The following AUTS2 variants were observed in gnomAD, a reference collection of about 807,000 sequenced individuals.
AUTS2 encodes the protein autism susceptibility gene 2 protein.
A neutral mutation model predicts 112.4 loss-of-function variants in AUTS2; 17 were observed. The ratio of observed to expected loss-of-function variants is 0.15; its 90% confidence interval spans 0.10 to 0.23. AUTS2 has a LOEUF of 0.23. Ranked by LOEUF, AUTS2 falls within the 10% of genes least tolerant of loss-of-function variation. The pLI is 1.00. For missense variants in AUTS2, 1,510 were observed against 1,701.6 expected, an observed-to-expected ratio of 0.89 and a Z score of 1.98; for synonymous variants, 751 against 702.7, an observed-to-expected ratio of 1.07 and a Z score of -1.09.
chr7:70,006,838 A>C (rs540363325), intron 2 of AUTS2, among the ~76,000 whole-genome samples: 1 of 152,264 alleles, frequency 6.6e-6, no homozygotes, highest in South Asian at 2.1e-4. Context: ...ATCTCTGTGG[A>C]TGCTTCGATT....
At chr7:69,852,180 A>G (rs1792514421) in intron 1 of AUTS2, among the ~76,000 whole-genome samples, 1 of 152,090 alleles carries the variant, frequency 6.6e-6, no homozygotes, top group Non-Finnish European at 1.5e-5. Flanking sequence ...ATATGTATTG[A>G]ATGCTTTTTT....
intron 1 of AUTS2, among the ~76,000 whole-genome samples, chr7:69,806,681 G>A (rs1304004899): frequency 6.6e-6 from 1 of 152,170 alleles, no homozygotes; most frequent in African/African-American, 2.4e-5. Context: ...GCTAGTTCAT[G>A]AAATTGAGGC....
At chr7:70,389,518 G>A (rs992135552) in intron 4 of AUTS2, among the ~76,000 whole-genome samples, 4 of 152,158 alleles carry the variant, frequency 2.6e-5, no homozygotes, top group African/African-American at 9.7e-5. Context: ...TGACTCTAAT[G>A]AGCTCCAAAC....
chr7:70,000,406 T>C (rs78478080), intron 2 of AUTS2, among the ~76,000 whole-genome samples: 4 of 152,322 alleles, frequency 2.6e-5, no homozygotes, highest in African/African-American at 9.6e-5. Flanking sequence ...AGCTAAGCCA[T>C]TACTGATAAA....
intron 5 of AUTS2, among the ~76,000 whole-genome samples, chr7:70,629,427 G>A (rs866648336): frequency 1.3e-4 from 19 of 151,956 alleles, no homozygotes; most frequent in Non-Finnish European, 1.8e-4. Flanking sequence ...AGCTGAGATC[G>A]TGCCACTGCA....
intron 1 of AUTS2, among the ~76,000 whole-genome samples, chr7:69,679,290 G>A (rs1180523873): frequency 6.6e-6 from 1 of 152,210 alleles, no homozygotes; most frequent in Non-Finnish European, 1.5e-5. Context: ...AGTATTGGTA[G>A]TGGTTAATAT....
intron 5 of AUTS2, among the ~76,000 whole-genome samples, chr7:70,465,250 T>C (rs1797127233): frequency 6.6e-6 from 1 of 152,160 alleles, no homozygotes; most frequent in Non-Finnish European, 1.5e-5. Context: ...CTGTGACATT[T>C]ATAGTGACAT....
At chr7:70,033,680 G>C (rs1288310443) in intron 2 of AUTS2, among the ~76,000 whole-genome samples, 2 of 152,146 alleles carry the variant, frequency 1.3e-5, no homozygotes, top group African/African-American at 4.8e-5. Flanking sequence ...AGAATCTTCT[G>C]CATTATATCA....
intron 1 of AUTS2, among the ~76,000 whole-genome samples, chr7:69,645,718 C>A (rs1248758578): frequency 6.6e-6 from 1 of 151,962 alleles, no homozygotes; most frequent in African/African-American, 2.4e-5. Flanking sequence ...AAGGTGGTTT[C>A]TGTGGGGTTA....
intron 1 of AUTS2, among the ~76,000 whole-genome samples, chr7:69,791,446 C>G (rs1173258635): frequency 6.6e-6 from 1 of 152,208 alleles, no homozygotes; most frequent in African/African-American, 2.4e-5. Context: ...CAAATCATCT[C>G]CCTGTATTTA....
Position 70,073,284 on chromosome 7 carries a change from G to A in AUTS2, c.523-44848G>A, listed in dbSNP as rs1047473833. Among the ~76,000 whole-genome samples, 3 of 151,782 alleles carry A rather than the reference G, an allele frequency of 2.0e-5. No homozygotes were observed. The East Asian group carries it at 5.8e-4, about 29-fold the overall frequency. ...CCAGCACTTTGGGAAGCCGAGGTGG[G>A]CAGATCACCTGAGGTCAGGAGTTCG... On this transcript the variant is annotated intron_variant, in intron 2 of 18. Coordinates refer to ENST00000342771, the MANE Select transcript of AUTS2 (RefSeq NM_015570.4).
At chr7:69,795,422 A>G (rs747979147) in intron 1 of AUTS2, among the ~76,000 whole-genome samples, 2 of 152,154 alleles carry the variant, frequency 1.3e-5, no homozygotes, top group Non-Finnish European at 2.9e-5. Context: ...GCTCATACCT[A>G]TAATCCAAAC....
At chr7:69,908,983 A>T (rs1310143002) in intron 2 of AUTS2, among the ~76,000 whole-genome samples, 2 of 152,178 alleles carry the variant, frequency 1.3e-5, no homozygotes, top group Admixed American at 1.3e-4. Context: ...GTGTGGCAAC[A>T]AGGAACTGGA....
chr7:70,515,883 T>G (rs1413549925), intron 5 of AUTS2, among the ~76,000 whole-genome samples: 1 of 152,202 alleles, frequency 6.6e-6, no homozygotes, highest in African/African-American at 2.4e-5. Flanking sequence ...ATTTGAAATA[T>G]TTCAGCAGTG....
At chr7:70,379,184 G>A (rs1455631689) in intron 4 of AUTS2, among the ~76,000 whole-genome samples, 2 of 152,130 alleles carry the variant, frequency 1.3e-5, no homozygotes, top group South Asian at 2.1e-4. Flanking sequence ...ATGCCAAATA[G>A]CTAAAGAGCT....
At chr7:69,851,626 A>G (rs1339700813) in intron 1 of AUTS2, among the ~76,000 whole-genome samples, 2 of 152,198 alleles carry the variant, frequency 1.3e-5, no homozygotes, top group African/African-American at 4.8e-5. Flanking sequence ...CATGAACACT[A>G]TATGCCTTTC....
intron 1 of AUTS2, among the ~76,000 whole-genome samples, chr7:69,685,590 T>G (rs1193875487): frequency 6.6e-6 from 1 of 152,146 alleles, no homozygotes; most frequent in Non-Finnish European, 1.5e-5. Flanking sequence ...GCCTCAAGGA[T>G]AGTGCCATAT....
intron 5 of AUTS2, among the ~76,000 whole-genome samples, chr7:70,612,527 C>A (rs948509275): frequency 1.3e-5 from 2 of 151,912 alleles, no homozygotes; most frequent in African/African-American, 4.8e-5. Context: ...CTAGTATTGT[C>A]CTTCAAGTTG....
chr7:70,737,599 T>C (rs567298826), intron 6 of AUTS2, among the ~76,000 whole-genome samples: 1 of 152,360 alleles, frequency 6.6e-6, no homozygotes, highest in Non-Finnish European at 1.5e-5. Flanking sequence ...TTTACCGAAA[T>C]GTGTTGGTTT....
Sources: gnomAD v4.1 joint callset for allele counts (sites outside exome capture counted in the v4.1 genomes callset) on GRCh38, gnomAD v4.1.1 for gene constraint, MANE v1.5 for transcripts, NCBI Gene and HGNC (gene_info 2026-07-23, HGNC 2026-07-21) for gene names.